The following EFHB variants were observed in gnomAD, a reference collection of about 807,000 sequenced individuals.
The protein encoded by EFHB is EF-hand domain-containing family member B.
EFHB carries 91 observed loss-of-function variants against 87.2 expected under a neutral mutation model. The observed-to-expected ratio is 1.04, with a 90% CI of 0.88 to 1.24. The LOEUF is 1.24. Among genes scored for constraint, EFHB ranks in the 50% most tolerant of loss-of-function variants. EFHB has a pLI of 0.00. For missense variants in EFHB, 1,084 were observed against 998.8 expected, an observed-to-expected ratio of 1.09 and a Z score of -1.15; for synonymous variants, 325 against 333.6, an observed-to-expected ratio of 0.97 and a Z score of 0.28.
At chr3:19,904,350 G>A (rs1694769402) in intron 6 of EFHB, among the ~76,000 whole-genome samples, 1 of 152,126 alleles carries the variant, frequency 6.6e-6, no homozygotes, top group African/African-American at 2.4e-5. Flanking sequence ...CAGCTCTAGG[G>A]GAGAATTCAT....
At chr3:19,890,519 G>A (rs1694269989) in intron 9 of EFHB, among the ~76,000 whole-genome samples, 1 of 152,200 alleles carries the variant, frequency 6.6e-6, no homozygotes, top group Non-Finnish European at 1.5e-5. Flanking sequence ...AGATAACCAT[G>A]TATTATTGCT....
At position 19,894,156 on chromosome 3, in the gene EFHB, C is replaced by T. The variant is rs150895121; in HGVS notation, c.1725+2531G>A. On this transcript the variant is annotated intron_variant, in intron 9 of 12. Transcript: ENST00000295824. ...ATAGTACTTGGGCCTCACTCTACTT[C>T]AGTGTTGTGTTACATATGTTCAACA... Among the ~76,000 whole-genome samples, 3 of 152,322 alleles carry T rather than the reference C, an allele frequency of 2.0e-5. No homozygotes were observed. The East Asian group carries it at 5.8e-4, about 29-fold the overall frequency.
At chr3:19,923,355 A>G (rs751826694) in intron 1 of EFHB, among the ~76,000 whole-genome samples, 22 of 151,744 alleles carry the variant, frequency 1.4e-4, no homozygotes, top group Non-Finnish European at 2.9e-4. Context: ...CTAATGTTTC[A>G]TTTGTTTTGT....
intron 1 of EFHB, chr3:19,942,254 A>C (rs2125172499): frequency 6.5e-6 from 1 of 152,804 alleles, no homozygotes; most frequent in Non-Finnish European, 1.5e-5. Flanking sequence ...AAGCAATAGA[A>C]GCAGCAGTTA....
At chr3:19,945,558 C>T (rs1696255095) in intron 1 of EFHB, among the ~76,000 whole-genome samples, 1 of 152,074 alleles carries the variant, frequency 6.6e-6, no homozygotes, top group Non-Finnish European at 1.5e-5. Flanking sequence ...GATGTTAATG[C>T]CAGTCTCTAA....
At position 19,918,226 on chromosome 3, in the gene EFHB, TACTACC is replaced by T; in HGVS notation, c.1177_1177+5del. ...CCTTCCCACCCCTTATTTTTTTTTT[TACTACC>T]TTTGATGACTGCTGTCCCAAATGTC... On this transcript the variant is annotated splice_donor_variant and splice_donor_5th_base_variant and coding_sequence_variant and intron_variant, in exon 4 of 13. Coordinates refer to ENST00000295824, the MANE Select transcript of EFHB (RefSeq NM_144715.4). LOFTEE classifies it high-confidence loss of function. 2 of 1,550,170 alleles carry T rather than the reference TACTACC, an allele frequency of 1.3e-6. No individual in the cohort carries two copies. Among genetic ancestry groups the T allele is most frequent in the Admixed American group, 2.2e-5 (1 of 45,418 alleles).
intron 9 of EFHB, among the ~76,000 whole-genome samples, chr3:19,893,220 C>T (rs368282204): frequency 6.6e-6 from 1 of 152,262 alleles, no homozygotes; most frequent in Non-Finnish European, 1.5e-5. Context: ...GGATTACAGG[C>T]ATGAGCCACC....
rs1443262693 is a variant in EFHB at position 19,933,777 on chromosome 3, C to T, written c.242G>A (p.Arg81Lys). 3.1e-6 allele frequency: 5 copies of T among 1,613,894 alleles called. No individual in the cohort carries two copies. Among genetic ancestry groups the T allele is most frequent in the African/African-American group, 1.3e-5 (1 of 74,928 alleles). ...EMGLERQNIS[R>K]TVMQRGSLGV... Reference sequence around the variant, plus strand: ...TAAACTACCCCTCTGCATGACAGTCCTAGAAATATTCTGTCTTTCTAATCC... The same window carrying T: ...TAAACTACCCCTCTGCATGACAGTCTTAGAAATATTCTGTCTTTCTAATCC... The change falls in exon 1 of 13, where the codon AGG becomes AAG. Residue 81 changes from arginine to lysine, a missense_variant. By Grantham distance (26) the Arg-to-Lys change is conservative (BLOSUM62 2). Coordinates refer to ENST00000295824, the MANE Select transcript of EFHB (RefSeq NM_144715.4).
At chr3:19,883,224 C>G (rs1325710430) in intron 11 of EFHB, among the ~76,000 whole-genome samples, 1 of 152,120 alleles carries the variant, frequency 6.6e-6, no homozygotes, top group African/African-American at 2.4e-5. Flanking sequence ...TGGTCTTGAA[C>G]TCCTCACCTC....
At position 19,933,340 on chromosome 3, in the gene EFHB, G is replaced by C; in HGVS notation, c.679C>G (p.His227Asp). The change falls in exon 1 of 13, where the codon CAT (histidine) becomes GAT (aspartate). Residue 227 changes from histidine to aspartate, a missense_variant. His to Asp is a moderately conservative substitution (Grantham distance 81). Coordinates refer to ENST00000295824, the MANE Select transcript of EFHB (RefSeq NM_144715.4). Reference protein sequence around the residue: ...EPPQCQFAQQHEQRKEAGNIE... With the variant: ...EPPQCQFAQQDEQRKEAGNIE... ...TTTCCAGCCTCCTTTCTCTGTTCAT[G>C]TTGTTGGGCAAACTGGCATTGGGGA... 6.2e-7 allele frequency: 1 copy of C among 1,613,964 alleles called. No homozygotes were observed. Among genetic ancestry groups the C allele is most frequent in the African/African-American group, 1.3e-5 (1 of 75,026 alleles).
chr3:19,918,452 A>G, intron 3 of EFHB, 40 bp from the exon 4 acceptor site: 1 of 1,517,902 alleles, frequency 6.6e-7, no homozygotes, highest in African/African-American at 1.4e-5. Context: ...TCAACAAAAA[A>G]AGTATAAATC....
At chr3:19,919,095 C>A (rs1695343740) in intron 3 of EFHB, among the ~76,000 whole-genome samples, 1 of 152,044 alleles carries the variant, frequency 6.6e-6, no homozygotes, top group Non-Finnish European at 1.5e-5. Flanking sequence ...ACTGTGCATT[C>A]AATCAATAGC....
At chr3:19,915,256 C>T (rs771880902) in intron 5 of EFHB, 47 bp downstream of exon 5, 9 of 1,270,874 alleles carry the variant, frequency 7.1e-6, no homozygotes, top group South Asian at 3.9e-5. Context: ...TTCACAAATC[C>T]GAGAGTCCCA....
At chr3:19,940,721 ACTGAAG>A (rs1299233950) in intron 1 of EFHB, 1 of 338,286 alleles carries the variant, frequency 3.0e-6, no homozygotes, top group Non-Finnish European at 5.9e-6. Flanking sequence ...CAGCAGAGAC[ACTGAAG>A]ATGCCATTGG....
intron 5 of EFHB, among the ~76,000 whole-genome samples, chr3:19,909,734 T>C (rs62279135): frequency 0.19 from 28,174 of 152,012 alleles, 3,387 homozygotes; most frequent in Non-Finnish European, 0.27. Flanking sequence ...ACCTTGCATC[T>C]AGGACACCAC....
intron 1 of EFHB, among the ~76,000 whole-genome samples, chr3:19,944,208 G>A (rs1323662901): frequency 6.6e-6 from 1 of 152,168 alleles, no homozygotes. Flanking sequence ...TATCATCTAT[G>A]CAAAGATTCA....
chr3:19,915,757 TA>T (rs58066421), intron 4 of EFHB, among the ~76,000 whole-genome samples: 59,131 of 141,250 alleles, frequency 0.42, 11,859 homozygotes, highest in African/African-American at 0.48. Context: ...CCATTTCTAC[TA>T]AAAAAAAAAA....
At chr3:19,935,309 GA>G (rs1394008470), upstream of EFHB, among the ~76,000 whole-genome samples, 4 of 152,180 alleles carry the variant, frequency 2.6e-5, no homozygotes, top group African/African-American at 4.8e-5. Flanking sequence ...TTAAGTAGGA[GA>G]TTTTTTTTTA....
intron 6 of EFHB, among the ~76,000 whole-genome samples, chr3:19,902,775 G>C (rs754111737): frequency 1.3e-5 from 2 of 152,196 alleles, no homozygotes; most frequent in African/African-American, 4.8e-5. Context: ...TTGACTCCAC[G>C]TTTGTAACAG....
Sources: allele counts gnomAD v4.1 joint callset (sites outside exome capture counted in the v4.1 genomes callset), GRCh38; gene constraint gnomAD v4.1.1; transcripts MANE v1.5; gene names NCBI Gene and HGNC (gene_info 2026-07-23, HGNC 2026-07-21).